The following SEMA6A variants were observed in gnomAD, a reference collection of about 807,000 sequenced individuals.
SEMA6A encodes semaphorin 6A.
In SEMA6A, 25 loss-of-function variants were observed where a neutral mutation model predicts 96.8. That is an observed-to-expected ratio of 0.26 (90% confidence interval 0.19 to 0.36). The LOEUF is 0.36. SEMA6A is among the 10% of genes least tolerant of loss of function. The pLI is 1.00. For missense variants in SEMA6A, 1,363 were observed against 1,323.1 expected, an observed-to-expected ratio of 1.03 and a Z score of -0.47; for synonymous variants, 612 against 518.0, an observed-to-expected ratio of 1.18 and a Z score of -2.46.
chr5:116,451,119 G>T (rs1453833034), intron 18 of SEMA6A, among the ~76,000 whole-genome samples: 1 of 152,052 alleles, frequency 6.6e-6, no homozygotes, highest in Non-Finnish European at 1.5e-5. Flanking sequence ...AACATCTCTG[G>T]GCCTCAGTTT....
At position 116,468,042 on chromosome 5, in the gene SEMA6A, A is replaced by G. The variant is rs1755882321; in HGVS notation, c.1730-295T>C. On this transcript the variant is annotated intron_variant, in intron 17 of 18. Coordinates refer to ENST00000343348, the MANE Select transcript of SEMA6A (RefSeq NM_020796.5). ...ACCTCTTCCTGTGCACCCAGTGGGG[A>G]TAAAGATACCTCTCGGTGTTGGGAG... 4 of 372,072 alleles carry G rather than the reference A, an allele frequency of 1.1e-5. No homozygotes were observed. In the South Asian group the frequency reaches 1.3e-4, roughly 12 times the overall value. The allele number at this position is 372,072 out of a possible 1,614,324, so 23.0% of individuals were successfully genotyped here.
intron 16 of SEMA6A, among the ~76,000 whole-genome samples, chr5:116,474,023 G>A (rs142535035): frequency 6.6e-5 from 10 of 152,260 alleles, no homozygotes; most frequent in East Asian, 1.9e-4. Context: ...ACCTGAGAGC[G>A]TCCCCTATGC....
intron 1 of SEMA6A, among the ~76,000 whole-genome samples, chr5:116,560,619 G>T (rs1288544678): frequency 6.6e-6 from 1 of 152,004 alleles, no homozygotes; most frequent in Admixed American, 6.6e-5. Flanking sequence ...TCCTGACAGA[G>T]TATCTAATTC....
intron 1 of SEMA6A, chr5:116,562,954 C>T (rs1424881621): frequency 5.2e-6 from 3 of 579,232 alleles, no homozygotes; most frequent in East Asian, 8.0e-5. Context: ...AGAGGACGTC[C>T]CCCCCATCCT....
chr5:116,488,240 G>A, intron 8 of SEMA6A, 44 bp from the exon 9 acceptor site: 1 of 1,286,744 alleles, frequency 7.8e-7, no homozygotes, highest in Non-Finnish European at 1.1e-6. Flanking sequence ...GTCAAACAGA[G>A]TTAACAGAAT....
chr5:116,474,893 G>A (rs539166692), intron 16 of SEMA6A, among the ~76,000 whole-genome samples: 85 of 152,004 alleles, frequency 5.6e-4, no homozygotes, highest in African/African-American at 1.9e-3. Context: ...GATATTAATC[G>A]GGTCACATGA....
At chr5:116,466,514 T>C (rs115015552) in intron 18 of SEMA6A, among the ~76,000 whole-genome samples, 24 of 151,870 alleles carry the variant, frequency 1.6e-4, no homozygotes, top group African/African-American at 5.6e-4. Context: ...ACTTGGCAAA[T>C]AGAGCAGCAG....
intron 1 of SEMA6A, among the ~76,000 whole-genome samples, chr5:116,549,156 G>T (rs1474141255): frequency 1.3e-5 from 2 of 152,074 alleles, no homozygotes; most frequent in South Asian, 2.1e-4. Flanking sequence ...TATCGCCAGG[G>T]ACCTACTAAA....
intron 17 of SEMA6A, chr5:116,469,095 G>A (rs1755946284): frequency 6.6e-6 from 1 of 152,096 alleles, no homozygotes; most frequent in African/African-American, 2.4e-5. Flanking sequence ...CAAGCCAAGT[G>A]GCTCGTCCAT....
At position 116,502,202 on chromosome 5, in the gene SEMA6A, C is replaced by G; in HGVS notation, c.218+8G>C. 6.2e-7 allele frequency: 1 copy of G among 1,610,792 alleles called. No homozygotes were observed. Among genetic ancestry groups the G allele is most frequent in the Non-Finnish European group, 8.5e-7 (1 of 1,177,076 alleles). ...TCTCAAGGCAGACATGGGGAAAAGG[C>G]CCCTTACCTAGCAGCAATGTAGAGG... On this transcript the variant is annotated splice_region_variant and intron_variant, in intron 3 of 18. Transcript: ENST00000343348.
At chr5:116,567,736 C>A (rs1761071412) in intron 1 of SEMA6A, among the ~76,000 whole-genome samples, 2 of 152,162 alleles carry the variant, frequency 1.3e-5, no homozygotes, top group Admixed American at 6.5e-5. Context: ...CTCCAACGGT[C>A]CCTTCACATT....
At chr5:116,477,074 T>C (rs1580408198) in intron 15 of SEMA6A, among the ~76,000 whole-genome samples, 1 of 152,192 alleles carries the variant, frequency 6.6e-6, no homozygotes, top group East Asian at 1.9e-4. Flanking sequence ...GAAATGGCTG[T>C]GTTGAAGAAA....
intron 3 of SEMA6A, among the ~76,000 whole-genome samples, chr5:116,497,944 TG>T (rs1432595729): frequency 6.6e-6 from 1 of 152,208 alleles, no homozygotes; most frequent in Non-Finnish European, 1.5e-5. Context: ...CTCATAATGA[TG>T]GTCAATTAAA....
In SEMA6A at chr5:116,447,720, C is replaced by A. The variant is rs1391866896; in HGVS notation, c.1986G>T (p.Gly662=). The change falls in exon 19 of 19, where the codon GGG becomes GGT. Residue 662 remains glycine (G), a synonymous_variant. Transcript: ENST00000343348. ...AGACGGTGATGCCCGAGAAGACGGC[C>A]CCCATGACGAAAGCCAGGATGACTG... ...AIAVILAFVM[G]AVFSGITVYC... is the part of the protein sequence containing the mutation. 1 of 1,613,914 alleles carries A rather than the reference C, an allele frequency of 6.2e-7. No homozygotes were observed. Among genetic ancestry groups the A allele is most frequent in the Non-Finnish European group, 8.5e-7 (1 of 1,179,854 alleles).
intron 16 of SEMA6A, 130 bp downstream of exon 16, chr5:116,475,415 G>A: frequency 3.5e-6 from 2 of 563,422 alleles, no homozygotes; most frequent in South Asian, 5.8e-5. Context: ...GTATTTAGAA[G>A]ATGATTTCCG....
chr5:116,541,140 G>T (rs557904664), intron 1 of SEMA6A, among the ~76,000 whole-genome samples: 11 of 152,262 alleles, frequency 7.2e-5, no homozygotes, highest in African/African-American at 2.6e-4. Flanking sequence ...GGTGATGGGT[G>T]TTGGGGTGGA....
intron 18 of SEMA6A, among the ~76,000 whole-genome samples, chr5:116,453,811 T>G (rs1754805290): frequency 6.6e-6 from 1 of 152,194 alleles, no homozygotes; most frequent in African/African-American, 2.4e-5. Flanking sequence ...CTCTCAATCT[T>G]AAAGTATACT....
intron 17 of SEMA6A, chr5:116,468,991 TCC>T (rs1180093361): frequency 6.6e-6 from 1 of 151,512 alleles, no homozygotes; most frequent in Non-Finnish European, 1.5e-5. Flanking sequence ...AAGTTGGATT[TCC>T]CCCCAGGAGA....
At chr5:116,573,713 G>A (rs549709163) in intron 1 of SEMA6A, among the ~76,000 whole-genome samples, 19 of 152,212 alleles carry the variant, frequency 1.2e-4, no homozygotes, top group Non-Finnish European at 1.5e-4. Flanking sequence ...GGCACTGGAC[G>A]AAAACAGCGC....
Sources: allele counts gnomAD v4.1 joint callset (sites outside exome capture counted in the v4.1 genomes callset), GRCh38; gene constraint gnomAD v4.1.1; transcripts MANE v1.5; gene names NCBI Gene and HGNC (gene_info 2026-07-23, HGNC 2026-07-21).